Variants in ELOVL5 observed in about 807,000 individuals in gnomAD.
The protein encoded by ELOVL5 is ELOVL fatty acid elongase 5, also known as very long chain fatty acid elongase 5.
Under a neutral mutation model 38.6 loss-of-function variants are expected in ELOVL5, and 8 were observed. That is an observed-to-expected ratio of 0.21 (90% CI 0.12 to 0.37). The LOEUF (loss-of-function observed/expected upper bound fraction) is 0.37, where lower values mean the gene tolerates loss of function less well. Among genes scored for constraint, ELOVL5 ranks in the 10% least tolerant of loss-of-function variants. The probability of loss-of-function intolerance (pLI) is 1.00; values close to 1 mark genes in which losing one functional copy is unlikely to be tolerated. For synonymous variants in ELOVL5, 127 were observed against 133.7 expected, an observed-to-expected ratio of 0.95 and a Z score of 0.34; for missense variants, 280 against 367.8, an observed-to-expected ratio of 0.76 and a Z score of 1.95.
intron 1 of ELOVL5, among the ~76,000 whole-genome samples, chr6:53,324,691 A>AAAAAAAAAAAAAAAAAAAAAAAAAAAAC (rs70980840): frequency 8.5e-6 from 1 of 118,060 alleles, no homozygotes; most frequent in Non-Finnish European, 1.7e-5. Flanking sequence ...AAAAAAAAAA[A>AAAAAAAAAAAAAAAAAAAAAAAAAAAAC]GGAAAAGAAA....
intron 1 of ELOVL5, among the ~76,000 whole-genome samples, chr6:53,320,226 A>G (rs1157580121): frequency 2.0e-5 from 3 of 152,152 alleles, no homozygotes; most frequent in Non-Finnish European, 4.4e-5. Flanking sequence ...CTGAGGCACA[A>G]GAATCACCTG....
rs1318261256 is a variant in ELOVL5, at chr6:53,304,958, G to GT, written c.-8-9252dup. Among the ~76,000 whole-genome samples, 10 of 152,212 alleles carry GT rather than the reference G, an allele frequency of 6.6e-5. No individual in the cohort carries two copies. In the East Asian group the frequency reaches 1.9e-3, roughly 30 times the overall value. On this transcript the variant is annotated intron_variant, in intron 1 of 7. Coordinates refer to ENST00000304434, the MANE Select transcript of ELOVL5 (RefSeq NM_021814.5). ...CTGTTGGGTACACCTCCCAGACGGGGTGGTGGCCGGGCAGAGGGGCTCCTC... is the reference window on the plus strand; with the variant it reads ...CTGTTGGGTACACCTCCCAGACGGGGTTGGTGGCCGGGCAGAGGGGCTCCTC...
intron 1 of ELOVL5, among the ~76,000 whole-genome samples, chr6:53,298,816 T>C (rs764626628): frequency 1.5e-5 from 2 of 137,686 alleles, no homozygotes; most frequent in African/African-American, 5.7e-5. Context: ...ATCAGTGAGC[T>C]CCAATCATTC....
intron 1 of ELOVL5, among the ~76,000 whole-genome samples, chr6:53,319,327 A>G (rs1162958516): frequency 6.7e-6 from 1 of 148,500 alleles, no homozygotes; most frequent in African/African-American, 2.5e-5. Context: ...GAAAGAAAGA[A>G]AAAGGAAATA....
chr6:53,269,677 C>T (rs1765854251), intron 7 of ELOVL5, among the ~76,000 whole-genome samples: 1 of 152,180 alleles, frequency 6.6e-6, no homozygotes, highest in African/African-American at 2.4e-5. Flanking sequence ...CTCACTGCCT[C>T]GGCGACTATC....
At chr6:53,319,324 A>T (rs1768203166) in intron 1 of ELOVL5, among the ~76,000 whole-genome samples, 1 of 147,426 alleles carries the variant, frequency 6.8e-6, no homozygotes, top group African/African-American at 2.5e-5. Flanking sequence ...AAAGAAAGAA[A>T]GAAAAAGGAA....
At chr6:53,273,418 AAT>A in intron 5 of ELOVL5, 74 bp from the exon 6 acceptor site, 1 of 1,348,102 alleles carries the variant, frequency 7.4e-7, no homozygotes, top group African/African-American at 1.5e-5. Flanking sequence ...AAAAAAAAAA[AAT>A]ACAAGATTCT....
rs1212013018 is a variant in ELOVL5 at position 53,330,357 on chromosome 6, T to C, written c.-9+18460A>G. 2.6e-5 allele frequency among the ~76,000 whole-genome samples: 4 copies of C among 152,256 alleles called. No homozygotes were observed. In the East Asian group the frequency reaches 7.7e-4, roughly 29 times the overall value. On this transcript the variant is annotated intron_variant, in intron 1 of 7. Coordinates refer to ENST00000304434, the MANE Select transcript of ELOVL5 (RefSeq NM_021814.5). ...TCTGGATGAGTCAATGAGTGGTGAA[T>C]GACTATGAAGGCCTAGGACATTACT...
chr6:53,348,146 C>A (rs1769649371), intron 1 of ELOVL5, among the ~76,000 whole-genome samples: 1 of 152,122 alleles, frequency 6.6e-6, no homozygotes, highest in African/African-American at 2.4e-5. Context: ...CAGCCTCATC[C>A]CTCCCTGAGT....
intron 1 of ELOVL5, among the ~76,000 whole-genome samples, chr6:53,333,538 G>A (rs1768899459): frequency 6.6e-6 from 1 of 152,118 alleles, no homozygotes; most frequent in African/African-American, 2.4e-5. Context: ...CTCAGTTTAT[G>A]TTTTCAGGGG....
At chr6:53,279,875 T>C (rs2127569685) in intron 3 of ELOVL5, among the ~76,000 whole-genome samples, 1 of 152,268 alleles carries the variant, frequency 6.6e-6, no homozygotes, top group African/African-American at 2.4e-5. Flanking sequence ...CTCCATAAAA[T>C]GGGCTAGCAG....
chr6:53,319,270 C>CAAAAAAA (rs59435925), intron 1 of ELOVL5, among the ~76,000 whole-genome samples: 3 of 74,890 alleles, frequency 4.0e-5, no homozygotes, highest in Non-Finnish European at 7.1e-5. Context: ...GACTCCATCT[C>CAAAAAAA]AAAAAAAAAA....
Position 53,275,277 on chromosome 6 carries a change from C to G in ELOVL5, c.325-16G>C, listed in dbSNP as rs1196449088. On this transcript the variant is annotated splice_polypyrimidine_tract_variant and intron_variant, in intron 4 of 7. Transcript: ENST00000304434. ...CACGGATAATCTAAGAGGAAAGGGTCAAAGATTTAAGGCTTATCCTCACGG... is the reference window on the plus strand; with the variant it reads ...CACGGATAATCTAAGAGGAAAGGGTGAAAGATTTAAGGCTTATCCTCACGG... 2 of 1,613,260 alleles carry G rather than the reference C, an allele frequency of 1.2e-6. No individual in the cohort carries two copies. The highest frequency in any genetic ancestry group is 3.3e-5 in the Admixed American group (2 of 60,006).
intron 2 of ELOVL5, chr6:53,294,639 C>T: frequency 8.2e-7 from 1 of 1,217,322 alleles, no homozygotes; most frequent in Non-Finnish European, 1.1e-6. Context: ...GATTTTTTGT[C>T]CCTTACAGCT....
chr6:53,301,995 C>T (rs561928264), intron 1 of ELOVL5, among the ~76,000 whole-genome samples: 1 of 152,164 alleles, frequency 6.6e-6, no homozygotes, highest in African/African-American at 2.4e-5. Context: ...CTCACCCCCA[C>T]CACCATGGAT....
At chr6:53,302,839 T>C (rs375817590) in intron 1 of ELOVL5, among the ~76,000 whole-genome samples, 5 of 152,268 alleles carry the variant, frequency 3.3e-5, no homozygotes, top group African/African-American at 1.2e-4. Context: ...TCACATTCCT[T>C]TTGATTTAAA....
At chr6:53,285,863 C>T (rs1425579727) in intron 3 of ELOVL5, among the ~76,000 whole-genome samples, 2 of 152,186 alleles carry the variant, frequency 1.3e-5, no homozygotes, top group Admixed American at 1.3e-4. Flanking sequence ...ACCTCGGCCT[C>T]TCAAAGTGCT....
At chr6:53,337,974 G>A (rs553255318) in intron 1 of ELOVL5, among the ~76,000 whole-genome samples, 5 of 152,198 alleles carry the variant, frequency 3.3e-5, no homozygotes, top group Admixed American at 6.5e-5. Context: ...GCAAACTGGC[G>A]GAGGATGGTG....
chr6:53,329,215 AC>A (rs1167135337), intron 1 of ELOVL5, among the ~76,000 whole-genome samples: 3 of 152,196 alleles, frequency 2.0e-5, no homozygotes. Flanking sequence ...TGCTACTGCT[AC>A]TGCTACTACG....
Sources: allele counts gnomAD v4.1 joint callset (sites outside exome capture counted in the v4.1 genomes callset), GRCh38; gene constraint gnomAD v4.1.1; transcripts MANE v1.5; gene names NCBI Gene and HGNC (gene_info 2026-07-23, HGNC 2026-07-21).